The following AMPH variants were observed in gnomAD, a reference collection of about 807,000 sequenced individuals.
AMPH encodes amphiphysin, also known as amphiphysin (Stiff-Mann syndrome with breast cancer 128kD autoantigen).
In AMPH, 49 loss-of-function variants were observed where a neutral mutation model predicts 99.1. The ratio of observed to expected loss-of-function variants is 0.49; its 90% CI spans 0.39 to 0.63. AMPH has a LOEUF of 0.63. Among genes scored for constraint, AMPH ranks in the 20% least tolerant of loss-of-function variants. The pLI, the probability that AMPH is intolerant of heterozygous loss-of-function variation, is 0.00. For missense variants in AMPH, 759 were observed against 863.4 expected (o/e 0.88, Z 1.52); for synonymous variants, 314 against 317.3 (o/e 0.99, Z 0.11).
chr7:38,385,484 A>G (rs902818589), intron 20 of AMPH, among the ~76,000 whole-genome samples: 2 of 152,190 alleles, frequency 1.3e-5, no homozygotes, highest in African/African-American at 2.4e-5. Flanking sequence ...TAAACTACCT[A>G]TGTAGATGTA....
intron 1 of AMPH, among the ~76,000 whole-genome samples, chr7:38,562,666 A>G: frequency 6.6e-6 from 1 of 151,032 alleles, no homozygotes; most frequent in African/African-American, 2.4e-5. Context: ...GAGGGAGAAG[A>G]GGGGAGGGAG....
At chr7:38,443,376 A>G (rs905184724) in intron 11 of AMPH, among the ~76,000 whole-genome samples, 1 of 152,092 alleles carries the variant, frequency 6.6e-6, no homozygotes, top group Admixed American at 6.6e-5. Flanking sequence ...CTAGTATTAA[A>G]TCATAAAAAC....
At chr7:38,630,912 G>A (rs1041417957) in intron 1 of AMPH, among the ~76,000 whole-genome samples, 2 of 152,316 alleles carry the variant, frequency 1.3e-5, no homozygotes, top group Admixed American at 1.3e-4. Flanking sequence ...GGAGATGCGA[G>A]CGCAGGGAGA....
chr7:38,478,153 G>A (rs1788155650), intron 5 of AMPH, among the ~76,000 whole-genome samples: 1 of 151,986 alleles, frequency 6.6e-6, no homozygotes, highest in Admixed American at 6.6e-5. Flanking sequence ...ACAAGCAATA[G>A]TGGCCTACCA....
chr7:38,561,750 C>T (rs989356514), intron 1 of AMPH, among the ~76,000 whole-genome samples: 1 of 152,100 alleles, frequency 6.6e-6, no homozygotes, highest in Non-Finnish European at 1.5e-5. Flanking sequence ...AGATGAGGTC[C>T]TTGGGATGAA....
chr7:38,441,871 T>TATATCATATATATC (rs772227243), intron 11 of AMPH, among the ~76,000 whole-genome samples: 1,240 of 119,332 alleles, frequency 0.01, 68 homozygotes, highest in African/African-American at 0.038. Context: ...ATATATATCA[T>TATATCATATATATC]ATATATATCA....
Position 38,455,832 on chromosome 7 carries a change from G to T in AMPH, c.1017+5451C>A, listed in dbSNP as rs562318075. ...GCATTCTGAGCTAAGCCCCCAAAAG[G>T]ACTGCATTCTGCTCTGGGGCAGATA... On this transcript the variant is annotated intron_variant, in intron 11 of 20. Coordinates refer to ENST00000356264, the MANE Select transcript of AMPH (RefSeq NM_001635.4). 3.6e-4 allele frequency among the ~76,000 whole-genome samples: 55 copies of T among 152,364 alleles called. No individual in the cohort carries two copies. In the Middle Eastern group the frequency reaches 0.01, roughly 28 times the overall value.
intron 5 of AMPH, among the ~76,000 whole-genome samples, chr7:38,487,245 T>C (rs1350789512): frequency 1.3e-5 from 2 of 151,640 alleles, no homozygotes; most frequent in African/African-American, 4.8e-5. Flanking sequence ...ATTAGTTGTC[T>C]TTCATCATAC....
At chr7:38,445,010 T>TATATATATATATACACACAC (rs1458295332) in intron 11 of AMPH, among the ~76,000 whole-genome samples, 3 of 125,990 alleles carry the variant, frequency 2.4e-5, no homozygotes, top group African/African-American at 8.6e-5. Flanking sequence ...TATATATATA[T>TATATATATATATACACACAC]ACACACACAC....
intron 1 of AMPH, among the ~76,000 whole-genome samples, chr7:38,549,003 C>T (rs1277450237): frequency 6.6e-6 from 1 of 152,192 alleles, no homozygotes; most frequent in Non-Finnish European, 1.5e-5. Context: ...GCACAGCTGC[C>T]GGCATTCACC....
At chr7:38,610,429 T>TACAGAAA (rs1793642917) in intron 1 of AMPH, among the ~76,000 whole-genome samples, 1 of 149,082 alleles carries the variant, frequency 6.7e-6, no homozygotes, top group South Asian at 2.2e-4. Context: ...CTCAGTGAGT[T>TACAGAAA]ACAGAAAACA....
intron 5 of AMPH, among the ~76,000 whole-genome samples, chr7:38,488,610 G>T (rs1253541081): frequency 4.6e-5 from 7 of 152,096 alleles, no homozygotes; most frequent in Non-Finnish European, 8.8e-5. Flanking sequence ...CATGGCACAC[G>T]TATACCTATG....
chr7:38,528,796 G>C (rs1277817264), intron 2 of AMPH, among the ~76,000 whole-genome samples: 1 of 151,006 alleles, frequency 6.6e-6, no homozygotes, highest in Non-Finnish European at 1.5e-5. Context: ...CAAGTTTCTT[G>C]AGGTAGGAAA....
At chr7:38,629,705 G>A (rs957793570) in intron 1 of AMPH, among the ~76,000 whole-genome samples, 7 of 152,188 alleles carry the variant, frequency 4.6e-5, no homozygotes, top group African/African-American at 1.7e-4. Context: ...TACTTGGAAG[G>A]CAGGAGGAGG....
intron 1 of AMPH, among the ~76,000 whole-genome samples, chr7:38,535,511 G>A (rs541246821): frequency 8.5e-5 from 13 of 152,226 alleles, no homozygotes; most frequent in Admixed American, 3.9e-4. Flanking sequence ...AGAGGGTGGC[G>A]GGGGGAATGG....
At chr7:38,437,625 C>CAAAAAAAAA (rs70977404) in intron 11 of AMPH, among the ~76,000 whole-genome samples, 8 of 94,844 alleles carry the variant, frequency 8.4e-5, no homozygotes, top group Admixed American at 1.3e-4. Context: ...ACTAAAAATA[C>CAAAAAAAAA]AAAAAAAAAA....
intron 17 of AMPH, among the ~76,000 whole-genome samples, chr7:38,398,419 G>A (rs533493019): frequency 4.6e-5 from 7 of 152,266 alleles, no homozygotes; most frequent in African/African-American, 1.7e-4. Flanking sequence ...AGGTCATTAT[G>A]TTAAGGGAAA....
At chr7:38,579,138 T>C (rs964952396) in intron 1 of AMPH, among the ~76,000 whole-genome samples, 1 of 152,198 alleles carries the variant, frequency 6.6e-6, no homozygotes, top group African/African-American at 2.4e-5. Context: ...CTAAGCCAAC[T>C]AAGGACAGAT....
intron 1 of AMPH, among the ~76,000 whole-genome samples, chr7:38,613,837 T>A (rs754231504): frequency 6.6e-6 from 1 of 151,024 alleles, no homozygotes; most frequent in Non-Finnish European, 1.5e-5. Flanking sequence ...TCTGTAGATA[T>A]AGAAGTCTCC....
Sources: gnomAD v4.1 joint callset for allele counts (sites outside exome capture counted in the v4.1 genomes callset) on GRCh38, gnomAD v4.1.1 for gene constraint, MANE v1.5 for transcripts, NCBI Gene and HGNC (gene_info 2026-07-23, HGNC 2026-07-21) for gene names.